The following STXBP5 variants were observed in gnomAD, a reference collection of about 807,000 sequenced individuals.
STXBP5 encodes syntaxin-binding protein 5.
Under a neutral mutation model 152.4 loss-of-function variants are expected in STXBP5, and 50 were observed. The observed-to-expected ratio is 0.33, with a 90% CI of 0.26 to 0.42. The LOEUF is 0.42. STXBP5 is among the 10% of genes least tolerant of loss of function. The pLI, the probability that STXBP5 is intolerant of heterozygous loss-of-function variation, is 1.00. For synonymous variants in STXBP5, 492 were observed against 494.7 expected (o/e 0.99, Z 0.07); for missense variants, 1,167 against 1,388.6 (o/e 0.84, Z 2.54).
In STXBP5 at chr6:147,206,119, C is replaced by G. The variant is rs74342338; in HGVS notation, c.248+51C>G. 3.9e-3 allele frequency: 5,898 copies of G among 1,502,160 alleles called. 205 individuals carry two copies. The African/African-American group carries it at 0.073, about 19-fold the overall frequency. The allele number at this position is 1,502,160 out of a possible 1,614,324, so 93.1% of individuals were successfully genotyped here. On this transcript the variant is annotated intron_variant, in intron 2 of 27. Transcript: ENST00000321680. ...TAACTTCTACTTTGTTCTCCCCAGT[C>G]CTTCTGTGTTGCTGATTAGTTCCAA... is the stretch of plus-strand genomic sequence containing the variant.
intron 22 of STXBP5, 113 bp from the exon 23 acceptor site, chr6:147,358,971 C>A: frequency 1.7e-6 from 2 of 1,197,840 alleles, no homozygotes; most frequent in Non-Finnish European, 2.3e-6. Flanking sequence ...TTAAATATGA[C>A]GTAGGTTTTG....
At chr6:147,247,526 CAG>C (rs1778869876) in intron 4 of STXBP5, among the ~76,000 whole-genome samples, 1 of 152,076 alleles carries the variant, frequency 6.6e-6, no homozygotes, top group Non-Finnish European at 1.5e-5. Context: ...TCTTAATATT[CAG>C]AGGAAAGACA....
chr6:147,231,044 G>T (rs1300063938), intron 2 of STXBP5, among the ~76,000 whole-genome samples: 1 of 151,546 alleles, frequency 6.6e-6, no homozygotes, highest in Non-Finnish European at 1.5e-5. Context: ...AGCCATTTAG[G>T]CAGTTAGAGT....
chr6:147,253,943 A>T (rs1175634216), intron 4 of STXBP5, among the ~76,000 whole-genome samples: 2 of 152,186 alleles, frequency 1.3e-5, no homozygotes, highest in African/African-American at 4.8e-5. Context: ...AGAAAAAAAA[A>T]CTTTAAATTT....
chr6:147,346,539 G>GTT (rs1784338983), intron 21 of STXBP5, among the ~76,000 whole-genome samples: 1 of 152,122 alleles, frequency 6.6e-6, no homozygotes, highest in Admixed American at 6.5e-5. Flanking sequence ...AAGAGTTCGA[G>GTT]ACCAGCCTGG....
intron 21 of STXBP5, among the ~76,000 whole-genome samples, chr6:147,342,558 T>C (rs117824912): frequency 0.031 from 4,727 of 152,312 alleles, 118 homozygotes; most frequent in Non-Finnish European, 0.05. Flanking sequence ...TGCCTGTGTA[T>C]ACCTTATAAA....
intron 2 of STXBP5, among the ~76,000 whole-genome samples, chr6:147,212,816 C>G (rs905663957): frequency 1.3e-5 from 2 of 152,086 alleles, no homozygotes; most frequent in African/African-American, 4.8e-5. Flanking sequence ...AATGTCTTTC[C>G]TTGAAACAGT....
In STXBP5 at chr6:147,365,557, TAAATG is replaced by T. The variant is rs1172106187; in HGVS notation, c.3081+1396_3081+1400del. On this transcript the variant is annotated intron_variant, in intron 25 of 27. Transcript: ENST00000321680. ...CAGCCATAGTTTACTCATTTATGTT[TAAATG>T]AAATAGTCTTTTAGTAGTAAACTAT... Among the ~76,000 whole-genome samples, 3 of 152,194 alleles carry T rather than the reference TAAATG, an allele frequency of 2.0e-5. No homozygotes were observed. The East Asian group carries it at 5.8e-4, about 29-fold the overall frequency.
chr6:147,242,170 T>TA (rs1168227100), intron 4 of STXBP5, among the ~76,000 whole-genome samples: 8 of 147,490 alleles, frequency 5.4e-5, no homozygotes, highest in Non-Finnish European at 9.0e-5. Flanking sequence ...TGTCTTAGTT[T>TA]TAAAAAAAAA....
At position 147,372,406 on chromosome 6, in the gene STXBP5, C is replaced by CTTTTTTTTTTTTTTTTTT. The variant is rs1583009383; in HGVS notation, c.3082-1325_3082-1324insTTTTTTTTTTTTTTTTTT. 9.1e-3 allele frequency among the ~76,000 whole-genome samples: 354 copies of CTTTTTTTTTTTTTTTTTT among 39,108 alleles called. 169 individuals are homozygous for CTTTTTTTTTTTTTTTTTT. Among genetic ancestry groups the CTTTTTTTTTTTTTTTTTT allele is most frequent in the Middle Eastern group, 0.027 (2 of 74 alleles). 25.7% of individuals were successfully genotyped at this position (39,108 alleles called of 152,430 possible). On this transcript the variant is annotated intron_variant, in intron 25 of 27. Coordinates refer to ENST00000321680, the MANE Select transcript of STXBP5 (RefSeq NM_001127715.4). ...ATATAAATGTTACTACCGTCCTTTTCCTTTTTTTTTTTTTTTTTTTTTTTT... is the reference window on the plus strand; with the variant it reads ...ATATAAATGTTACTACCGTCCTTTTCTTTTTTTTTTTTTTTTTTCTTTTTTTTTTTTTTTTTTTTTTTT...
At chr6:147,353,035 T>G (rs1036444941) in intron 21 of STXBP5, among the ~76,000 whole-genome samples, 1 of 151,992 alleles carries the variant, frequency 6.6e-6, no homozygotes, top group Admixed American at 6.6e-5. Flanking sequence ...TTCCAGCTAC[T>G]TGGGAGGCTG....
intron 26 of STXBP5, among the ~76,000 whole-genome samples, chr6:147,376,297 T>C (rs1488665137): frequency 6.6e-6 from 1 of 152,190 alleles, no homozygotes; most frequent in African/African-American, 2.4e-5. Context: ...ACATGTAATT[T>C]ATAGGATAAC....
intron 21 of STXBP5, among the ~76,000 whole-genome samples, chr6:147,343,850 G>A (rs905600792): frequency 3.3e-5 from 5 of 152,128 alleles, no homozygotes; most frequent in South Asian, 2.1e-4. Context: ...AACCTGAAAC[G>A]TGGCTATTGA....
At chr6:147,252,841 C>A (rs1429830683) in intron 4 of STXBP5, among the ~76,000 whole-genome samples, 1 of 152,128 alleles carries the variant, frequency 6.6e-6, no homozygotes. Context: ...AAAGAAAGCC[C>A]AGGACCAAAC....
At chr6:147,250,555 G>A (rs1779033300) in intron 4 of STXBP5, among the ~76,000 whole-genome samples, 1 of 152,090 alleles carries the variant, frequency 6.6e-6, no homozygotes, top group Non-Finnish European at 1.5e-5. Flanking sequence ...AATATCTTTG[G>A]ATTTTGGTAT....
chr6:147,217,798 C>G (rs1777251122), intron 2 of STXBP5, among the ~76,000 whole-genome samples: 1 of 152,174 alleles, frequency 6.6e-6, no homozygotes, highest in Non-Finnish European at 1.5e-5. Context: ...CCTAAATTTT[C>G]AGATACTGTT....
At chr6:147,338,806 G>A (rs1018953544) in intron 19 of STXBP5, among the ~76,000 whole-genome samples, 13 of 151,440 alleles carry the variant, frequency 8.6e-5, no homozygotes, top group Middle Eastern at 3.5e-3. Context: ...CAAGATCTTG[G>A]TTCTGCTAGA....
chr6:147,255,528 GTTT>G (rs869159408), intron 4 of STXBP5, among the ~76,000 whole-genome samples: 1 of 144,456 alleles, frequency 6.9e-6, no homozygotes, highest in African/African-American at 2.6e-5. Context: ...TGTTGTTGTT[GTTT>G]TTTGTTTAAG....
chr6:147,267,491 A>G (rs1429587136), intron 7 of STXBP5, among the ~76,000 whole-genome samples: 6 of 152,124 alleles, frequency 3.9e-5, no homozygotes, highest in East Asian at 1.9e-4. Flanking sequence ...TATACTATAG[A>G]CATTTATAAT....
Sources: gnomAD v4.1 joint callset for allele counts (sites outside exome capture counted in the v4.1 genomes callset) on GRCh38, gnomAD v4.1.1 for gene constraint, MANE v1.5 for transcripts, NCBI Gene and HGNC (gene_info 2026-07-23, HGNC 2026-07-21) for gene names.